The following LOXHD1 variants were observed in gnomAD, a reference collection of about 807,000 sequenced individuals.
The protein encoded by LOXHD1 is lipoxygenase homology PLAT domains 1, also known as lipoxygenase homology domain-containing protein 1.
In LOXHD1, 205 loss-of-function variants were observed where a neutral mutation model predicts 248.2. The observed-to-expected ratio is 0.83, with a 90% confidence interval of 0.74 to 0.93. LOXHD1 has a LOEUF of 0.93. Among genes scored for constraint, LOXHD1 ranks in the 40% least tolerant of loss-of-function variants. The pLI, the probability that LOXHD1 is intolerant of heterozygous loss-of-function variation, is 0.00. For synonymous variants in LOXHD1, 1,113 were observed against 1,162.8 expected (o/e 0.96, Z 0.87); for missense variants, 2,930 against 2,971.6 (o/e 0.99, Z 0.33).
At position 46,562,997 on chromosome 18, in the gene LOXHD1, C is replaced by T. The variant is rs564751449; in HGVS notation, c.2598+68G>A. The stretch of plus-strand genomic sequence containing the variant: ...TGAGTATTGACTGAGGAAATTAGTA[C>T]ACCCAGGGAAGCATCTTGGTGTCCA... On this transcript the variant is annotated intron_variant, in intron 18 of 40. Transcript: ENST00000642948. 1.1e-5 allele frequency: 17 copies of T among 1,482,950 alleles called. No individual in the cohort carries two copies. In the African/African-American group the frequency reaches 1.7e-4, roughly 15 times the overall value. The allele number at this position is 1,482,950 out of a possible 1,614,324, so 91.9% of individuals were successfully genotyped here. A position where few individuals can be genotyped will look rare whatever the true frequency, so the allele number is the denominator to read the frequency against.
At chr18:46,642,450 A>T (rs553766453) in intron 2 of LOXHD1, among the ~76,000 whole-genome samples, 18 of 151,170 alleles carry the variant, frequency 1.2e-4, no homozygotes, top group Admixed American at 3.3e-4. Context: ...CCTTCTTGCC[A>T]CTCCCCATCA....
At chr18:46,531,066 CT>C (rs1443583204) in intron 28 of LOXHD1, among the ~76,000 whole-genome samples, 3 of 152,076 alleles carry the variant, frequency 2.0e-5, no homozygotes, top group Admixed American at 6.6e-5. Context: ...CCTGCAACCC[CT>C]GTCCCTTTTG....
intron 18 of LOXHD1, among the ~76,000 whole-genome samples, chr18:46,562,664 G>A (rs1007964165): frequency 6.6e-6 from 1 of 152,128 alleles, no homozygotes; most frequent in African/African-American, 2.4e-5. Flanking sequence ...CAGCCTTAGT[G>A]TCATCTTTTG....
chr18:46,523,235 C>A (rs1396602564), intron 31 of LOXHD1, among the ~76,000 whole-genome samples: 8 of 152,202 alleles, frequency 5.3e-5, no homozygotes, highest in African/African-American at 1.7e-4. Context: ...GCATAAGCCA[C>A]CACGCCTGGC....
At chr18:46,635,535 T>G (rs1229389605) in intron 4 of LOXHD1, among the ~76,000 whole-genome samples, 2 of 152,120 alleles carry the variant, frequency 1.3e-5, no homozygotes, top group African/African-American at 4.8e-5. Flanking sequence ...TGCACCCATC[T>G]CTGTAATCAA....
At chr18:46,620,663 T>C (rs2038655798) in intron 4 of LOXHD1, among the ~76,000 whole-genome samples, 1 of 152,174 alleles carries the variant, frequency 6.6e-6, no homozygotes, top group South Asian at 2.1e-4. Context: ...AGTTAGCATG[T>C]GCCAAGCACA....
In LOXHD1 at chr18:46,542,825, T is replaced by A. The variant is rs1444562739; in HGVS notation, c.3650A>T (p.Asn1217Ile). The A allele has an allele frequency of 6.4e-7, 1 of 1,551,608 alleles. No homozygotes were observed. The highest frequency in any genetic ancestry group is 1.4e-5 in the African/African-American group (1 of 73,034). Residue 1217 changes from asparagine to isoleucine, a missense_variant, in exon 24 of 41, where the codon AAC becomes ATC. Transcript: ENST00000642948. Reference sequence around the variant, plus strand: ...GCTGTCCCTCTCAAACTTATCGCTGTTTGTCTTGGAGGACTTCAGGAGGGT... The same window carrying A: ...GCTGTCCCTCTCAAACTTATCGCTGATTGTCTTGGAGGACTTCAGGAGGGT... ...GMTLLKSSKT[N>I]SDKFERDSIE...
At chr18:46,544,738 C>T in intron 23 of LOXHD1, 2 of 457,514 alleles carry the variant, frequency 4.4e-6, no homozygotes, top group Non-Finnish European at 9.1e-6. Flanking sequence ...GCTTCAGAGT[C>T]TCCATGCTCT....
At chr18:46,504,184 G>C (rs2034417354) in intron 37 of LOXHD1, among the ~76,000 whole-genome samples, 1 of 152,112 alleles carries the variant, frequency 6.6e-6, no homozygotes. Context: ...TGCAATCACA[G>C]CTCACTGCAG....
At chr18:46,508,548 C>T (rs1420810683) in intron 35 of LOXHD1, among the ~76,000 whole-genome samples, 1 of 152,230 alleles carries the variant, frequency 6.6e-6, no homozygotes, top group Non-Finnish European at 1.5e-5. Flanking sequence ...TCACCTTGGA[C>T]TTCTGCCTCT....
intron 4 of LOXHD1, among the ~76,000 whole-genome samples, chr18:46,626,197 A>T (rs1010423450): frequency 1.3e-5 from 2 of 152,224 alleles, no homozygotes; most frequent in Non-Finnish European, 2.9e-5. Context: ...TATCCAAAAT[A>T]GGAGATTTGG....
chr18:46,572,497 G>A (rs986949038), intron 14 of LOXHD1, among the ~76,000 whole-genome samples: 1 of 152,178 alleles, frequency 6.6e-6, no homozygotes, highest in African/African-American at 2.4e-5. Context: ...GAGCCCGCAG[G>A]AGTTGAAACA....
chr18:46,489,149 A>C lies in LOXHD1; in HGVS notation c.5879-7T>G. 6.4e-7 allele frequency: 1 copy of C among 1,551,594 alleles called. No individual in the cohort carries two copies. On this transcript the variant is annotated splice_polypyrimidine_tract_variant and splice_region_variant and intron_variant, in intron 37 of 40. Coordinates refer to ENST00000642948, the MANE Select transcript of LOXHD1 (RefSeq NM_001384474.1). ...TGCCAGCCAGGAAATATCCCTGTGG[A>C]AAAGACACCATGGGGGTTGGAAGCT...
Position 46,592,612 on chromosome 18 carries a change from T to C in LOXHD1, c.1432-28A>G, listed in dbSNP as rs1386620212. On this transcript the variant is annotated intron_variant, in intron 10 of 40. Transcript: ENST00000642948. Reference sequence around the variant, plus strand: ...ATGGTGAGAAATAAAAACATTTGAGTGGGCATAACTGAAGAAATGTGTTTA... The same window carrying C: ...ATGGTGAGAAATAAAAACATTTGAGCGGGCATAACTGAAGAAATGTGTTTA... 2.0e-6 allele frequency: 3 copies of C among 1,514,294 alleles called. No homozygotes were observed. The Admixed American group carries it at 5.9e-5, about 30-fold the overall frequency. The allele number at this position is 1,514,294 out of a possible 1,614,324, so 93.8% of individuals were successfully genotyped here. A position where few individuals can be genotyped will look rare whatever the true frequency, so the allele number is the denominator to read the frequency against.
chr18:46,603,537 T>C (rs2038369833), intron 7 of LOXHD1, among the ~76,000 whole-genome samples: 1 of 152,180 alleles, frequency 6.6e-6, no homozygotes, highest in Admixed American at 6.5e-5. Context: ...TGACCATGAC[T>C]GCCATGCTGG....
intron 17 of LOXHD1, 98 bp from the exon 18 acceptor site, chr18:46,563,323 C>T: frequency 8.0e-7 from 1 of 1,246,872 alleles, no homozygotes; most frequent in East Asian, 2.6e-5. Context: ...TTCCAGGTGC[C>T]TGGCGCTTTA....
At chr18:46,568,723 C>A (rs2037692193) in intron 16 of LOXHD1, among the ~76,000 whole-genome samples, 1 of 152,180 alleles carries the variant, frequency 6.6e-6, no homozygotes, top group Non-Finnish European at 1.5e-5. Flanking sequence ...CTTGATTACC[C>A]TCCCCTTATT....
chr18:46,480,634 T>A (rs1264201871), intron 40 of LOXHD1, among the ~76,000 whole-genome samples: 1 of 152,158 alleles, frequency 6.6e-6, no homozygotes, highest in African/African-American at 2.4e-5. Context: ...GGGCTGCTCC[T>A]GCTAGAAAGG....
At position 46,516,061 on chromosome 18, in the gene LOXHD1, T is replaced by G. The variant is rs1305723287; in HGVS notation, c.5399+2068A>C. Among the ~76,000 whole-genome samples, 5 of 152,196 alleles carry G rather than the reference T, an allele frequency of 3.3e-5. No homozygotes were observed. The East Asian group carries it at 9.6e-4, about 29-fold the overall frequency. ...GCCTTCAAATCTCTACCAAACCAAG[T>G]GATGGTAACTGAGTCTCTTGTTGTA... On this transcript the variant is annotated intron_variant, in intron 34 of 40. Coordinates refer to ENST00000642948, the MANE Select transcript of LOXHD1 (RefSeq NM_001384474.1).
Sources: gnomAD v4.1 joint callset for allele counts (sites outside exome capture counted in the v4.1 genomes callset) on GRCh38, gnomAD v4.1.1 for gene constraint, MANE v1.5 for transcripts, NCBI Gene and HGNC (gene_info 2026-07-23, HGNC 2026-07-21) for gene names.